The following TBC1D20 variants were observed in gnomAD, a reference collection of about 807,000 sequenced individuals.
TBC1D20 encodes TBC1 domain family member 20.
In TBC1D20, 12 loss-of-function variants were observed where a neutral mutation model predicts 41.6. The observed-to-expected ratio is 0.29, with a 90% CI of 0.18 to 0.47. TBC1D20 has a LOEUF of 0.47. TBC1D20 is among the 20% of genes least tolerant of loss of function. The probability of loss-of-function intolerance (pLI) is 1.00; values close to 1 mark genes in which losing one functional copy is unlikely to be tolerated. For missense variants in TBC1D20, 421 were observed against 517.4 expected (o/e 0.81, Z 1.81); for synonymous variants, 205 against 204.8 (o/e 1.00, Z -0.01).
intron 2 of TBC1D20, among the ~76,000 whole-genome samples, chr20:445,567 C>T (rs1417954405): frequency 6.6e-6 from 1 of 152,128 alleles, no homozygotes; most frequent in African/African-American, 2.4e-5. Context: ...TGTGGGAGCA[C>T]TAAGCTGTTT....
At chr20:444,581 AT>A (rs568842758) in intron 3 of TBC1D20, among the ~76,000 whole-genome samples, 5 of 151,722 alleles carry the variant, frequency 3.3e-5, no homozygotes, top group African/African-American at 9.7e-5. Context: ...TTATTTATTT[AT>A]TTTTTTATCT....
chr20:443,198 G>C (rs908849033), intron 3 of TBC1D20, among the ~76,000 whole-genome samples: 2 of 152,194 alleles, frequency 1.3e-5, no homozygotes, highest in African/African-American at 2.4e-5. Context: ...CAACCTTTCA[G>C]TAAGTATGAA....
intron 1 of TBC1D20, among the ~76,000 whole-genome samples, chr20:460,011 G>A (rs974894435): frequency 9.2e-5 from 14 of 152,002 alleles, no homozygotes; most frequent in Non-Finnish European, 1.0e-4. Flanking sequence ...TCCTCTAAAA[G>A]TTTTTTCATA....
chr20:451,159 T>C (rs73074737), intron 1 of TBC1D20, among the ~76,000 whole-genome samples: 5,637 of 152,276 alleles, frequency 0.037, 121 homozygotes, highest in South Asian at 0.069. Context: ...ACCTGAGAAG[T>C]GTACCTTAAA....
Position 462,472 on chromosome 20 carries a change from G to T in TBC1D20, c.-67C>A. On this transcript the variant is annotated 5_prime_UTR_variant, in exon 1 of 8. The change creates a premature stop within an existing upstream ORF in the 5' untranslated region. Coordinates refer to ENST00000354200, the MANE Select transcript of TBC1D20 (RefSeq NM_144628.4). ...CGGAGCCGGGAGAAGACGCGGCTCC[G>T]ACCGCGGGACGTAGCACCCGCTCGG... 2.0e-6 allele frequency: 2 copies of T among 983,452 alleles called. No homozygotes were observed. Among genetic ancestry groups the T allele is most frequent in the South Asian group, 7.2e-5 (2 of 27,652 alleles). The allele number at this position is 983,452 out of a possible 1,614,324, so 60.9% of individuals were successfully genotyped here.
chr20:438,615 G>C lies in TBC1D20; in HGVS notation c.1183C>G (p.Pro395Ala). 6.2e-7 allele frequency: 1 copy of C among 1,614,132 alleles called. No homozygotes were observed. The highest frequency in any genetic ancestry group is 8.5e-7 in the Non-Finnish European group (1 of 1,179,976). ...GGAAACAGCTGCAGCTGAAACTTAG[G>C]GGCCCATTCCAGGGCACTTTTCACC... ...AVVKSALEWA[P>A]KFQLQLFP The change falls in exon 8 of 8, where the codon CCT (proline) becomes GCT (alanine). Residue 395 changes from proline to alanine, a missense_variant. Physicochemically the swap from Pro to Ala is conservative, Grantham distance 27 (BLOSUM62 -1). This residue lies in a region of TBC1D20 where 161 missense variants were observed against 182.7 expected (regional missense o/e 0.88). Transcript: ENST00000354200.
At chr20:444,277 A>G (rs2017290509) in intron 3 of TBC1D20, among the ~76,000 whole-genome samples, 2 of 152,236 alleles carry the variant, frequency 1.3e-5, no homozygotes, top group African/African-American at 4.8e-5. Context: ...GAATCTGTCC[A>G]GGGAGCAAGA....
chr20:443,555 C>T (rs1478424008), intron 3 of TBC1D20, among the ~76,000 whole-genome samples: 1 of 152,180 alleles, frequency 6.6e-6, no homozygotes, highest in African/African-American at 2.4e-5. Flanking sequence ...TCACCTCTTG[C>T]CCATATTTAC....
intron 3 of TBC1D20, 55 bp downstream of exon 3, chr20:444,995 G>A: frequency 6.7e-7 from 1 of 1,494,924 alleles, no homozygotes; most frequent in East Asian, 2.4e-5. Flanking sequence ...CACATGGTAT[G>A]ACCTGGAACA....
intron 1 of TBC1D20, among the ~76,000 whole-genome samples, chr20:455,632 T>A (rs1316632083): frequency 6.9e-6 from 1 of 145,192 alleles, no homozygotes; most frequent in African/African-American, 2.6e-5. Context: ...AATAAATAAA[T>A]AAAAAATAAA....
chr20:438,844 G>A lies in TBC1D20; in HGVS notation c.957-3C>T, dbSNP rs2017170487. 6 of 1,611,646 alleles carry A rather than the reference G, an allele frequency of 3.7e-6. No individual in the cohort carries two copies. In the East Asian group the frequency reaches 1.3e-4, roughly 36 times the overall value. On this transcript the variant is annotated splice_polypyrimidine_tract_variant and splice_region_variant and intron_variant, in intron 7 of 7. Transcript: ENST00000354200. ...CTTTGAAAGTAGAGGCTGCCGTCCT[G>A]CAGGGGAAAGAGACGGAAGGAAGGA...
At position 439,638 on chromosome 20, in the gene TBC1D20, T is replaced by C. The variant is rs1375477252; in HGVS notation, c.769-343A>G. ...GAAAGTAGGAGAATTATTGGGAGAT[T>C]CCTGGAGCTCCAGCATAGAAGAAAT... On this transcript the variant is annotated intron_variant, in intron 6 of 7. Coordinates refer to ENST00000354200, the MANE Select transcript of TBC1D20 (RefSeq NM_144628.4). The surrounding 1 kb of genome is among the most constrained non-coding windows in gnomAD (Gnocchi z 4.6). Among the ~76,000 whole-genome samples, 1 of 152,190 alleles carries C rather than the reference T, an allele frequency of 6.6e-6. No homozygotes were observed. The highest frequency in any genetic ancestry group is 1.5e-5 in the Non-Finnish European group (1 of 68,028).
chr20:444,523 A>G (rs573242079), intron 3 of TBC1D20, among the ~76,000 whole-genome samples: 1 of 152,220 alleles, frequency 6.6e-6, no homozygotes, highest in African/African-American at 2.4e-5. Flanking sequence ...TCCTGAAATA[A>G]AGAGGTAATT....
intron 1 of TBC1D20, among the ~76,000 whole-genome samples, chr20:457,511 C>G (rs916071537): frequency 1.3e-5 from 2 of 152,146 alleles, no homozygotes; most frequent in African/African-American, 4.8e-5. Flanking sequence ...TGTGAGCCAC[C>G]ACACTGGGCT....
At chr20:453,888 T>G (rs1218662570) in intron 1 of TBC1D20, among the ~76,000 whole-genome samples, 2 of 141,582 alleles carry the variant, frequency 1.4e-5, no homozygotes, top group Non-Finnish European at 3.1e-5. Context: ...GATGGATCAC[T>G]GAGGTCAGGA....
At position 438,358 on chromosome 20, in the gene TBC1D20, CT is replaced by C; in HGVS notation, c.*227del. 4 of 549,890 alleles carry C rather than the reference CT, an allele frequency of 7.3e-6. No homozygotes were observed. Among genetic ancestry groups the C allele is most frequent in the Non-Finnish European group, 1.3e-5 (4 of 312,294 alleles). The allele number at this position is 549,890 out of a possible 1,614,324, so 34.1% of individuals were successfully genotyped here. ...GGCAGAGAGCCCATCCAAAAGCCCACTGGGAGAGGCATAAGATTCTGTGCCA... is the reference window on the plus strand; with the variant it reads ...GGCAGAGAGCCCATCCAAAAGCCCACGGGAGAGGCATAAGATTCTGTGCCA... On this transcript the variant is annotated 3_prime_UTR_variant, in exon 8 of 8. Coordinates refer to ENST00000354200, the MANE Select transcript of TBC1D20 (RefSeq NM_144628.4).
Position 440,338 on chromosome 20 carries a change from C to T in TBC1D20, c.678G>A (p.Gly226=). The T allele has an allele frequency of 6.2e-7, 1 of 1,614,154 alleles. No homozygotes were observed. The highest frequency in any genetic ancestry group is 8.5e-7 in the Non-Finnish European group (1 of 1,180,028). ...CGTGCCTGAAGTCAGACAGGACATG[C>T]CCAAACCAGGTGATGAGCCAGCTGA... The part of the protein sequence containing the change: ...FALSWLITWF[G]HVLSDFRHVV... The change falls in exon 6 of 8, where the codon GGG becomes GGA. Residue 226 remains glycine, a synonymous_variant. Transcript: ENST00000354200.
chr20:455,147 G>C (rs1016779369), intron 1 of TBC1D20, among the ~76,000 whole-genome samples: 18 of 152,274 alleles, frequency 1.2e-4, no homozygotes, highest in African/African-American at 4.3e-4. Context: ...CTGTCCTCCT[G>C]GCTTGACTGC....
At chr20:459,028 AG>A (rs1232690776) in intron 1 of TBC1D20, among the ~76,000 whole-genome samples, 1 of 152,218 alleles carries the variant, frequency 6.6e-6, no homozygotes, top group Non-Finnish European at 1.5e-5. Flanking sequence ...CTAAATGTAT[AG>A]GCTCTCACTG....
Sources: allele counts gnomAD v4.1 joint callset (sites outside exome capture counted in the v4.1 genomes callset), GRCh38; gene constraint gnomAD v4.1.1; regional missense constraint gnomAD v4.1.1; non-coding constraint Gnocchi (gnomAD v3.1); transcripts MANE v1.5; gene names NCBI Gene and HGNC (gene_info 2026-07-23, HGNC 2026-07-21).